The following ATAD3B variants were observed in gnomAD, a reference collection of about 807,000 sequenced individuals.
ATAD3B encodes the protein ATPase family AAA domain containing 3B, also known as ATPase family AAA domain-containing protein 3B.
In ATAD3B, 59 loss-of-function variants were observed where a neutral mutation model predicts 70.2. The ratio of observed to expected loss-of-function variants is 0.84; its 90% CI spans 0.68 to 1.04. The LOEUF (loss-of-function observed/expected upper bound fraction) is 1.04. Ranked by LOEUF, ATAD3B falls within the 50% of genes least tolerant of loss-of-function variation. ATAD3B has a pLI of 0.00. For synonymous variants in ATAD3B, 423 were observed against 388.6 expected (o/e 1.09, Z -1.04); for missense variants, 961 against 913.4 (o/e 1.05, Z -0.67).
At chr1:1,500,483 C>T (rs893180069), downstream of ATAD3B, among the ~76,000 whole-genome samples, 2 of 143,528 alleles carry the variant, frequency 1.4e-5, no homozygotes, top group East Asian at 2.1e-4. Flanking sequence ...ACCCAGGAGG[C>T]GGAGCTTGCA....
At chr1:1,481,558 G>A (rs2100550051) in intron 5 of ATAD3B, among the ~76,000 whole-genome samples, 1 of 86,050 alleles carries the variant, frequency 1.2e-5, no homozygotes, top group South Asian at 4.6e-4. Context: ...AGTGCTCCAG[G>A]CAAACGTCTG....
At chr1:1,488,040 T>C (rs1640329347) in intron 12 of ATAD3B, 126 bp downstream of exon 12, 5 of 1,353,906 alleles carry the variant, frequency 3.7e-6, no homozygotes, top group East Asian at 4.6e-5. Context: ...CTGCAACCTC[T>C]GCCTCCTGGG....
the ATAD3B span, among the ~76,000 whole-genome samples, chr1:1,504,560 G>A: frequency 6.6e-6 from 1 of 151,950 alleles, no homozygotes; most frequent in Non-Finnish European, 1.5e-5. Flanking sequence ...TGAGGCAGGA[G>A]AATCACTTGA....
chr1:1,476,965 C>T (rs1398620440), intron 1 of ATAD3B, among the ~76,000 whole-genome samples: 6 of 152,004 alleles, frequency 3.9e-5, no homozygotes, highest in African/African-American at 1.2e-4. Flanking sequence ...CACCACCACA[C>T]CCAGCTTTTT....
At chr1:1,505,841 AATC>A in the ATAD3B span, among the ~76,000 whole-genome samples, 2 of 152,226 alleles carry the variant, frequency 1.3e-5, no homozygotes, top group East Asian at 1.9e-4. Flanking sequence ...ATTCATATAT[AATC>A]ATATCTAAGA....
intron 15 of ATAD3B, among the ~76,000 whole-genome samples, chr1:1,493,506 A>G (rs1281957913): frequency 7.9e-5 from 12 of 151,820 alleles, no homozygotes; most frequent in Non-Finnish European, 1.5e-4. Flanking sequence ...CAGTAGAGAC[A>G]GGGTTTCACC....
intron 7 of ATAD3B, chr1:1,483,897 C>G (rs535921393): frequency 6.6e-6 from 1 of 152,166 alleles, no homozygotes; most frequent in Non-Finnish European, 1.5e-5. Context: ...TTCACCGTCA[C>G]GCTGACCAGG....
At chr1:1,479,691 ACACT>A (rs1639798337) in intron 4 of ATAD3B, among the ~76,000 whole-genome samples, 1 of 143,512 alleles carries the variant, frequency 7.0e-6, no homozygotes, top group Non-Finnish European at 1.5e-5. Flanking sequence ...CCTCAGGCAC[ACACT>A]CCCGCATGGG....
chr1:1,498,534 T>G, downstream of ATAD3B, among the ~76,000 whole-genome samples: 1 of 150,024 alleles, frequency 6.7e-6, no homozygotes, highest in Non-Finnish European at 1.5e-5. Flanking sequence ...ATGGGGTCGG[T>G]GGGTGGGGGT....
the ATAD3B span, among the ~76,000 whole-genome samples, chr1:1,505,623 C>G: frequency 2.0e-5 from 3 of 152,166 alleles, no homozygotes; most frequent in Non-Finnish European, 4.4e-5. Flanking sequence ...TTCCCAGGCG[C>G]TGGCGTTACT....
At chr1:1,504,030 C>T in the ATAD3B span, among the ~76,000 whole-genome samples, 16 of 152,008 alleles carry the variant, frequency 1.1e-4, no homozygotes, top group East Asian at 2.0e-3. Flanking sequence ...CTCTGTTGCC[C>T]GGGCTTGAGT....
intron 13 of ATAD3B, 141 bp downstream of exon 13, chr1:1,489,415 G>C: frequency 1.4e-6 from 2 of 1,430,070 alleles, no homozygotes; most frequent in Non-Finnish European, 1.9e-6. Flanking sequence ...CCCTGGGAAC[G>C]GCCCAGCTCG....
Position 1,496,210 on chromosome 1 carries a change from GTCTC to G in ATAD3B, c.*397_*400del. On this transcript the variant is annotated 3_prime_UTR_variant, in exon 16 of 16. Coordinates refer to ENST00000673477, the MANE Select transcript of ATAD3B (RefSeq NM_031921.6). The stretch of plus-strand genomic sequence containing the variant: ...AGTCCCACAGGTGCCTCACCGCCGT[GTCTC>G]TCTATTGACTGACACTGCTCGGGGT... The G allele has an allele frequency of 9.9e-7, 1 of 1,012,902 alleles. No individual in the cohort carries two copies. Among genetic ancestry groups the G allele is most frequent in the East Asian group, 9.6e-5 (1 of 10,442 alleles). The allele number at this position is 1,012,902 out of a possible 1,614,324, so 62.7% of individuals were successfully genotyped here.
At chr1:1,484,242 G>C (rs935525372) in intron 7 of ATAD3B, 2 of 151,620 alleles carry the variant, frequency 1.3e-5, no homozygotes, top group Admixed American at 6.6e-5. Flanking sequence ...GTGCAGTGGC[G>C]CGATCTCGAC....
At chr1:1,482,877 C>T (rs1442802794) in intron 7 of ATAD3B, among the ~76,000 whole-genome samples, 1 of 151,936 alleles carries the variant, frequency 6.6e-6, no homozygotes, top group African/African-American at 2.4e-5. Context: ...ATGGTGGCGC[C>T]TGTGGTCCTG....
chr1:1,497,252 C>G lies in ATAD3B; in HGVS notation c.*1435C>G, dbSNP rs934309518. 1 of 150,654 alleles carries G rather than the reference C, an allele frequency of 6.6e-6. No individual in the cohort carries two copies. The highest frequency in any genetic ancestry group is 1.5e-5 in the Non-Finnish European group (1 of 67,886). The allele number at this position is 150,654 out of a possible 1,614,324, so 9.3% of individuals were successfully genotyped here. A position where few individuals can be genotyped will look rare whatever the true frequency, so the allele number is the denominator to read the frequency against. On this transcript the variant is annotated 3_prime_UTR_variant, in exon 16 of 16. Coordinates refer to ENST00000673477, the MANE Select transcript of ATAD3B (RefSeq NM_031921.6). ...TAGAGATGGGTTCTTACTCTGAGCC[C>G]AGGCTGGAGTGCAGTGGTGTGATTA...
intron 11 of ATAD3B, 23 bp from the exon 12 acceptor site, chr1:1,487,840 C>T (rs759401597): frequency 6.2e-7 from 1 of 1,612,330 alleles, no homozygotes; most frequent in Non-Finnish European, 8.5e-7. Flanking sequence ...TCTCGCCTTG[C>T]TTGGCCTCTC....
chr1:1,502,003 C>T (rs1260622813), downstream of ATAD3B, among the ~76,000 whole-genome samples: 14 of 151,776 alleles, frequency 9.2e-5, no homozygotes, highest in South Asian at 2.1e-4. Flanking sequence ...CTCAGCCTCC[C>T]GTGTAGCTAG....
chr1:1,487,166 C>A (rs1305306086), intron 11 of ATAD3B, among the ~76,000 whole-genome samples: 1 of 152,088 alleles, frequency 6.6e-6, no homozygotes, highest in African/African-American at 2.4e-5. Flanking sequence ...TTGGCACCCT[C>A]CCCTCTGGCC....
Sources: gnomAD v4.1 joint callset for allele counts (sites outside exome capture counted in the v4.1 genomes callset) on GRCh38, gnomAD v4.1.1 for gene constraint, MANE v1.5 for transcripts, NCBI Gene and HGNC (gene_info 2026-07-23, HGNC 2026-07-21) for gene names.